POFUT3: variants seen among roughly 807,000 people sequenced by gnomAD.
POFUT3 encodes protein O-fucosyltransferase 3.
chr8:33,375,661 A>G, the POFUT3 span, among the ~76,000 whole-genome samples: 2 of 152,234 alleles, frequency 1.3e-5, no homozygotes, highest in Non-Finnish European at 2.9e-5. Context: ...AATAACAGTC[A>G]CACAGTTATA....
the POFUT3 span, among the ~76,000 whole-genome samples, chr8:33,472,684 G>C: frequency 2.6e-5 from 4 of 152,156 alleles, no homozygotes; most frequent in Non-Finnish European, 5.9e-5. Flanking sequence ...TGGAATGGAC[G>C]GCCGCGGACC....
the POFUT3 span, among the ~76,000 whole-genome samples, chr8:33,358,527 T>A: frequency 9.9e-5 from 15 of 152,224 alleles, no homozygotes; most frequent in African/African-American, 1.4e-4. Flanking sequence ...TTCAATTTAT[T>A]AGGTGCAATA....
chr8:33,465,541 C>T, the POFUT3 span, among the ~76,000 whole-genome samples: 1 of 152,090 alleles, frequency 6.6e-6, no homozygotes, highest in Admixed American at 6.6e-5. Flanking sequence ...CGGCTCACTG[C>T]AACCTCCGCC....
At chr8:33,451,714 A>C in the POFUT3 span, 1 of 152,094 alleles carries the variant, frequency 6.6e-6, no homozygotes, top group Non-Finnish European at 1.5e-5. Flanking sequence ...GAAATACCCA[A>C]GACTGGATAA....
At chr8:33,334,503 ACAGT>A in the POFUT3 span, among the ~76,000 whole-genome samples, 1 of 152,158 alleles carries the variant, frequency 6.6e-6, no homozygotes, top group African/African-American at 2.4e-5. Context: ...GAGGTGAGCC[ACAGT>A]ACCCGGCCGA....
chr8:33,389,546 CT>C, the POFUT3 span: 1 of 1,614,048 alleles, frequency 6.2e-7, no homozygotes, highest in African/African-American at 1.3e-5. Context: ...CGGAGCAAGT[CT>C]TTTTCTAAGC....
the POFUT3 span, among the ~76,000 whole-genome samples, chr8:33,406,048 TTAGA>T: frequency 1.1e-4 from 16 of 152,236 alleles, no homozygotes; most frequent in Non-Finnish European, 1.8e-4. Context: ...TTTCTAGATA[TTAGA>T]TAGAGAAATA....
chr8:33,311,493 A>G, the POFUT3 span, among the ~76,000 whole-genome samples: 26 of 152,336 alleles, frequency 1.7e-4, no homozygotes, highest in Non-Finnish European at 3.1e-4. Context: ...AGGGGATATG[A>G]CCATACATCA....
chr8:33,421,772 A>G, the POFUT3 span, among the ~76,000 whole-genome samples: 230 of 152,316 alleles, frequency 1.5e-3, 2 homozygotes, highest in African/African-American at 5.3e-3. Context: ...TAAGCATGAA[A>G]TGCCATAAAG....
chr8:33,309,167 A>AATATATATATATATAT, the POFUT3 span, among the ~76,000 whole-genome samples: 2 of 53,658 alleles, frequency 3.7e-5, no homozygotes, highest in Non-Finnish European at 3.1e-5. Flanking sequence ...AAAAAAAAAA[A>AATATATATATATATAT]ATATATATAT....
the POFUT3 span, among the ~76,000 whole-genome samples, chr8:33,333,505 A>G: frequency 6.6e-6 from 1 of 152,192 alleles, no homozygotes; most frequent in African/African-American, 2.4e-5. Context: ...GGAATCATAT[A>G]ATGAAGGGGC....
the POFUT3 span, among the ~76,000 whole-genome samples, chr8:33,435,835 T>A: frequency 6.6e-6 from 1 of 151,866 alleles, no homozygotes; most frequent in Admixed American, 6.6e-5. Flanking sequence ...TTTTATATAT[T>A]TTTTTTCAAC....
chr8:33,431,750 A>AT, the POFUT3 span, among the ~76,000 whole-genome samples: 20 of 151,290 alleles, frequency 1.3e-4, no homozygotes, highest in East Asian at 1.9e-3. Context: ...TTGTAATTGG[A>AT]TTTTTTTTTA....
At chr8:33,437,442 GA>G in the POFUT3 span, among the ~76,000 whole-genome samples, 78 of 150,292 alleles carry the variant, frequency 5.2e-4, no homozygotes, top group African/African-American at 1.4e-3. Flanking sequence ...TATTGGAGGG[GA>G]AAAAAAAACC....
chr8:33,314,009 T>C, the POFUT3 span, among the ~76,000 whole-genome samples: 1 of 152,218 alleles, frequency 6.6e-6, no homozygotes, highest in African/African-American at 2.4e-5. Flanking sequence ...TAATGACCTC[T>C]AGGTATCCTT....
chr8:33,365,343 G>A, the POFUT3 span, among the ~76,000 whole-genome samples: 18 of 152,106 alleles, frequency 1.2e-4, no homozygotes, highest in African/African-American at 1.2e-4. Flanking sequence ...CAGGACATAC[G>A]CATGGGCAAG....
chr8:33,433,787 A>G, the POFUT3 span, among the ~76,000 whole-genome samples: 3 of 145,210 alleles, frequency 2.1e-5, no homozygotes, highest in East Asian at 2.0e-4. Flanking sequence ...CAGTCTCGGG[A>G]AAAAAAAAAA....
chr8:33,316,746 A>C, the POFUT3 span, among the ~76,000 whole-genome samples: 40 of 151,384 alleles, frequency 2.6e-4, 1 homozygote, highest in Admixed American at 1.8e-3. Context: ...TGTCTCAAAA[A>C]AAAAAAACAA....
the POFUT3 span, among the ~76,000 whole-genome samples, chr8:33,438,380 C>T: frequency 6.6e-6 from 1 of 152,148 alleles, no homozygotes; most frequent in African/African-American, 2.4e-5. Flanking sequence ...GAGTTCAAGA[C>T]CAACCTGGGC....
Sources: allele counts gnomAD v4.1 joint callset (sites outside exome capture counted in the v4.1 genomes callset), GRCh38; gene constraint gnomAD v4.1.1; transcripts MANE v1.5; gene names NCBI Gene and HGNC (gene_info 2026-07-23, HGNC 2026-07-21).